CUBN: variants seen among roughly 807,000 people sequenced by gnomAD.
CUBN encodes cubilin.
In CUBN, 282 loss-of-function variants were observed where a neutral mutation model predicts 405.3. The observed-to-expected ratio is 0.70, with a 90% CI of 0.63 to 0.77. The LOEUF is 0.77. Among genes scored for constraint, CUBN ranks in the 30% least tolerant of loss-of-function variants. The probability of loss-of-function intolerance (pLI) is 0.00; values close to 1 mark genes in which losing one functional copy is unlikely to be tolerated. For missense variants in CUBN, 4,514 were observed against 4,475.2 expected, an observed-to-expected ratio of 1.01 and a Z score of -0.25; for synonymous variants, 1,684 against 1,617.0, an observed-to-expected ratio of 1.04 and a Z score of -0.99.
chr10:16,988,839 T>C (rs889341997), intron 29 of CUBN, among the ~76,000 whole-genome samples: 5 of 152,174 alleles, frequency 3.3e-5, no homozygotes, highest in African/African-American at 1.2e-4. Context: ...CATGTGGTCA[T>C]GGAAAAGCCC....
At chr10:17,109,867 T>C in intron 9 of CUBN, 132 bp from the exon 10 acceptor site, 2 of 687,470 alleles carry the variant, frequency 2.9e-6, no homozygotes, top group East Asian at 2.7e-5. Flanking sequence ...AATATAAGTA[T>C]AAAATGTCAT....
intron 28 of CUBN, among the ~76,000 whole-genome samples, chr10:17,018,480 T>C (rs530076750): frequency 3.7e-4 from 56 of 152,310 alleles, no homozygotes; most frequent in Non-Finnish European, 6.3e-4. Context: ...TCTCGCTGAC[T>C]TCAGGAATGA....
At chr10:17,112,282 T>A (rs1009987878) in intron 8 of CUBN, among the ~76,000 whole-genome samples, 1 of 152,080 alleles carries the variant, frequency 6.6e-6, no homozygotes, top group Admixed American at 6.5e-5. Flanking sequence ...TGAAAAAAAG[T>A]TGGAAGAAAA....
rs575118918 is a variant in CUBN, at chr10:16,904,038, G to C, written c.7990C>G (p.Gln2664Glu). The C allele has an allele frequency of 2.2e-5, 36 of 1,610,470 alleles. No individual in the cohort carries two copies. In the Admixed American group the frequency reaches 4.2e-4, roughly 19 times the overall value. ...PTLPLVIPYS[Q>E]VWIHFVTNER... ...TTGGTGACAAAGTGAATCCATACCT[G>C]AGAATAAGGTATAACCAATGGCAAT... is the stretch of plus-strand genomic sequence containing the variant. The change falls in exon 51 of 67, where the codon CAG (glutamine) becomes GAG (glutamate). Residue 2664 changes from glutamine to glutamate, a missense_variant. Around this residue, in one of 5 missense-constraint regions of CUBN, gnomAD observed 1,186 missense variants for 1,186.9 expected, o/e 1.00. Transcript: ENST00000377833.
chr10:17,040,498 T>C (rs1199056778), intron 27 of CUBN, among the ~76,000 whole-genome samples: 1 of 152,154 alleles, frequency 6.6e-6, no homozygotes, highest in Non-Finnish European at 1.5e-5. Flanking sequence ...TTGCCTAATA[T>C]TTAAGCAAGA....
intron 3 of CUBN, 27 bp from the exon 4 acceptor site, chr10:17,126,826 G>T (rs112418006): frequency 1.2e-5 from 19 of 1,613,842 alleles, no homozygotes; most frequent in African/African-American, 8.0e-5. Context: ...AAAAGCTTCA[G>T]TTAGCTGGTT....
intron 15 of CUBN, among the ~76,000 whole-genome samples, chr10:17,087,460 A>ATTTTTTTTTTTTTTTTTTT: frequency 2.0e-5 from 2 of 99,126 alleles, no homozygotes; most frequent in Non-Finnish European, 3.9e-5. Flanking sequence ...AATCACTATT[A>ATTTTTTTTTTTTTTTTTTT]TTTTTCTTTT....
intron 61 of CUBN, among the ~76,000 whole-genome samples, 159 bp downstream of exon 61, chr10:16,840,726 A>C (rs1013346642): frequency 3.3e-5 from 5 of 152,234 alleles, no homozygotes; most frequent in Non-Finnish European, 7.3e-5. Flanking sequence ...ACATACAGTA[A>C]TTAACATGGT....
chr10:16,985,696 C>A (rs989984112), intron 29 of CUBN, among the ~76,000 whole-genome samples: 2 of 152,234 alleles, frequency 1.3e-5, no homozygotes, highest in Admixed American at 6.5e-5. Context: ...CTGCATGCTC[C>A]CCCTCCCATA....
intron 4 of CUBN, among the ~76,000 whole-genome samples, chr10:17,124,960 T>C (rs531268194): frequency 2.8e-4 from 42 of 152,160 alleles, no homozygotes; most frequent in African/African-American, 9.9e-4. Context: ...GCCTCCTCAG[T>C]AGCTGGGACT....
intron 31 of CUBN, among the ~76,000 whole-genome samples, chr10:16,979,003 A>G (rs1426798873): frequency 6.6e-6 from 1 of 152,248 alleles, no homozygotes; most frequent in Non-Finnish European, 1.5e-5. Flanking sequence ...GTCTCAGGAC[A>G]CAAAATCAAT....
At chr10:16,869,959 C>A (rs1199735225) in intron 58 of CUBN, 106 bp from the exon 59 acceptor site, 4 of 770,368 alleles carry the variant, frequency 5.2e-6, no homozygotes, top group African/African-American at 5.2e-5. Context: ...ACCAGTAGAG[C>A]ATTCAAAACT....
At chr10:16,993,886 G>T (rs967533132) in intron 28 of CUBN, among the ~76,000 whole-genome samples, 2 of 152,048 alleles carry the variant, frequency 1.3e-5, no homozygotes, top group African/African-American at 4.8e-5. Context: ...AACAGTTAGG[G>T]CTTGAAATCT....
intron 13 of CUBN, among the ~76,000 whole-genome samples, chr10:17,101,299 C>T (rs747048659): frequency 1.3e-5 from 2 of 151,834 alleles, no homozygotes; most frequent in African/African-American, 2.4e-5. Context: ...AATTTTCTTG[C>T]GAATTGGTAA....
intron 56 of CUBN, among the ~76,000 whole-genome samples, chr10:16,887,777 G>A (rs117441129): frequency 0.025 from 3,822 of 152,222 alleles, 67 homozygotes; most frequent in Non-Finnish European, 0.04. Context: ...CTATACTGTC[G>A]TGTTCATTGC....
chr10:16,827,636 C>T (rs1038030555), intron 66 of CUBN, among the ~76,000 whole-genome samples: 10 of 152,312 alleles, frequency 6.6e-5, no homozygotes, highest in African/African-American at 1.9e-4. Flanking sequence ...GAGTCTGGCT[C>T]TGTCGCCCAG....
At chr10:17,115,975 C>G (rs111274941) in intron 6 of CUBN, among the ~76,000 whole-genome samples, 1 of 152,160 alleles carries the variant, frequency 6.6e-6, no homozygotes, top group Admixed American at 6.5e-5. Flanking sequence ...CCAATTGGAC[C>G]TGCCATGAAG....
At position 17,058,074 on chromosome 10, in the gene CUBN, A is replaced by C. The variant is rs578191445; in HGVS notation, c.3139+7434T>G. 5.1e-3 allele frequency among the ~76,000 whole-genome samples: 776 copies of C among 152,148 alleles called. 9 individuals are homozygous for C. The highest frequency in any genetic ancestry group is 8.6e-3 in the Non-Finnish European group (585 of 67,956). ...GAGGCGGAGGTAGCAGTGAGCTGAG[A>C]TCGCGCCACTGCACTCCAGCCTGGG... On this transcript the variant is annotated intron_variant, in intron 22 of 66. Coordinates refer to ENST00000377833, the MANE Select transcript of CUBN (RefSeq NM_001081.4).
intron 28 of CUBN, among the ~76,000 whole-genome samples, chr10:17,009,206 G>C (rs1049339512): frequency 2.6e-5 from 4 of 152,214 alleles, no homozygotes; most frequent in Non-Finnish European, 4.4e-5. Context: ...GAGCAGCACA[G>C]AGTTAAAAAA....
Sources: gnomAD v4.1 joint callset for allele counts (sites outside exome capture counted in the v4.1 genomes callset) on GRCh38, gnomAD v4.1.1 for gene constraint, gnomAD v4.1.1 regional missense constraint, MANE v1.5 for transcripts, NCBI Gene and HGNC (gene_info 2026-07-23, HGNC 2026-07-21) for gene names.